The following FBXL18 variants were observed in gnomAD, a reference collection of about 807,000 sequenced individuals.
FBXL18 encodes the protein F-box/LRR-repeat protein 18.
A neutral mutation model predicts 46.0 loss-of-function variants in FBXL18; 36 were observed. The ratio of observed to expected loss-of-function variants is 0.78; its 90% confidence interval spans 0.60 to 1.03. The LOEUF (loss-of-function observed/expected upper bound fraction) is 1.03. Among genes scored for constraint, FBXL18 ranks in the 50% least tolerant of loss-of-function variants. FBXL18 has a pLI of 0.00. For missense variants in FBXL18, 977 were observed against 1,004.1 expected (o/e 0.97, Z 0.36); for synonymous variants, 557 against 465.3 (o/e 1.20, Z -2.54).
intron 4 of FBXL18, among the ~76,000 whole-genome samples, chr7:5,487,640 T>C (rs937287466): frequency 1.3e-5 from 2 of 152,232 alleles, no homozygotes; most frequent in African/African-American, 4.8e-5. Context: ...CTGATAGCAC[T>C]GACCTCACAG....
intron 4 of FBXL18, among the ~76,000 whole-genome samples, chr7:5,457,616 G>A (rs1311942300): frequency 1.3e-5 from 2 of 152,230 alleles, no homozygotes; most frequent in African/African-American, 4.8e-5. Context: ...GCAAGCTAGA[G>A]AATGACTCTG....
At chr7:5,462,005 CTA>C (rs1433539569) in intron 4 of FBXL18, among the ~76,000 whole-genome samples, 7 of 152,046 alleles carry the variant, frequency 4.6e-5, no homozygotes, top group Non-Finnish European at 1.0e-4. Context: ...AATCCCAGCA[CTA>C]TGAGGGACTG....
intron 3 of FBXL18, among the ~76,000 whole-genome samples, chr7:5,500,053 A>C (rs1396091349): frequency 6.6e-6 from 1 of 151,304 alleles, no homozygotes; most frequent in Non-Finnish European, 1.5e-5. Flanking sequence ...TGACAGAGCG[A>C]GACCCTGTCT....
downstream of FBXL18, among the ~76,000 whole-genome samples, chr7:5,471,425 C>A (rs528548776): frequency 6.6e-6 from 1 of 152,136 alleles, no homozygotes; most frequent in Non-Finnish European, 1.5e-5. Flanking sequence ...TACAGGCGCC[C>A]GCCACCACAC....
chr7:5,505,780 C>T (rs1052510432), intron 1 of FBXL18, 150 bp from the exon 2 acceptor site: 20 of 642,662 alleles, frequency 3.1e-5, no homozygotes, highest in South Asian at 1.9e-4. Context: ...AAAGAATTCA[C>T]GAAATCCTTC....
Position 5,501,611 on chromosome 7 carries a change from C to T in FBXL18, c.658G>A (p.Gly220Ser). Residue 220 changes from glycine (G) to serine (S), a missense_variant, in exon 3 of 5, where the codon GGC becomes AGC. Physicochemically the swap from Gly to Ser is moderately conservative, Grantham distance 56. Coordinates refer to ENST00000382368, the MANE Select transcript of FBXL18 (RefSeq NM_024963.6). ...TGGTAGTGCGGCACGTTGCTCTGGC[C>T]CACCATAAGCTGGCCCGAGAGGATG... ...GAILSGQLMV[G>S]QSNVPHYQNL... The T allele has an allele frequency of 2.5e-6, 4 of 1,613,774 alleles. No homozygotes were observed. The highest frequency in any genetic ancestry group is 3.4e-6 in the Non-Finnish European group (4 of 1,179,968).
At chr7:5,495,779 G>C (rs376657348) in intron 3 of FBXL18, 2 of 472,380 alleles carry the variant, frequency 4.2e-6, no homozygotes, top group Middle Eastern at 6.8e-4. Context: ...TGCAGCGTCC[G>C]GGCTCCCTTG....
intron 1 of FBXL18, among the ~76,000 whole-genome samples, chr7:5,508,063 C>G (rs1399921788): frequency 6.6e-6 from 1 of 151,888 alleles, no homozygotes; most frequent in South Asian, 2.1e-4. Context: ...AGTCAGTTCT[C>G]GAGACTAGCC....
In FBXL18 at chr7:5,479,248, G is replaced by A. The variant is rs1267575170; in HGVS notation, c.*2527C>T. 6.6e-6 allele frequency: 1 copy of A among 152,164 alleles called. No individual in the cohort carries two copies. The highest frequency in any genetic ancestry group is 1.5e-5 in the Non-Finnish European group (1 of 68,044). The allele number at this position is 152,164 out of a possible 1,614,324, so 9.4% of individuals were successfully genotyped here. On this transcript the variant is annotated 3_prime_UTR_variant, in exon 5 of 5. Transcript: ENST00000382368. The stretch of plus-strand genomic sequence containing the variant: ...TCTATGAGTATAAATTATGCTGCTG[G>A]TTAAAACCGCTTGCTCATGAGAACA...
chr7:5,490,007 C>T (rs1374259025), intron 4 of FBXL18: 2 of 1,303,328 alleles, frequency 1.5e-6, no homozygotes, highest in Non-Finnish European at 2.0e-6. Context: ...ACTCTATAAA[C>T]ACAAGTTGTT....
chr7:5,490,976 T>G (rs4559154), intron 4 of FBXL18, among the ~76,000 whole-genome samples: 46,202 of 152,028 alleles, frequency 0.3, 7,099 homozygotes, highest in Admixed American at 0.34. Flanking sequence ...ATAATAATAA[T>G]AAGAAGAAGA....
intron 3 of FBXL18, among the ~76,000 whole-genome samples, chr7:5,494,800 GA>G (rs1562695109): frequency 1.3e-5 from 2 of 152,232 alleles, no homozygotes; most frequent in African/African-American, 4.8e-5. Flanking sequence ...ACTAGGTGGC[GA>G]TGCGGCTCCG....
In FBXL18 at chr7:5,501,758, T is replaced by G; in HGVS notation, c.511A>C (p.Ser171Arg). The G allele has an allele frequency of 1.3e-6, 2 of 1,559,162 alleles. No individual in the cohort carries two copies. Among genetic ancestry groups the G allele is most frequent in the Non-Finnish European group, 1.7e-6 (2 of 1,151,124 alleles). ...GTCTGCTTGAGCTCCCGCACGCGGC[T>G]CAGGGTGGCCTTGCACTCGCTGCTC... ...QLSSECKATL[S>R]RVRELKQTLF... Residue 171 changes from serine (S) to arginine (R), a missense_variant, in exon 3 of 5, where the codon AGC becomes CGC. Physicochemically the swap from Ser to Arg is moderately radical, Grantham distance 110. Coordinates refer to ENST00000382368, the MANE Select transcript of FBXL18 (RefSeq NM_024963.6).
chr7:5,505,300 G>A lies in FBXL18; in HGVS notation c.237+112C>T, dbSNP rs1317095103. 10 of 1,000,160 alleles carry A rather than the reference G, an allele frequency of 1.0e-5. No individual in the cohort carries two copies. In the Admixed American group the frequency reaches 1.9e-4, roughly 19 times the overall value. The allele number at this position is 1,000,160 out of a possible 1,614,324, so 62.0% of individuals were successfully genotyped here. A position where few individuals can be genotyped will look rare whatever the true frequency, so the allele number is the denominator to read the frequency against. On this transcript the variant is annotated intron_variant, in intron 2 of 4. Coordinates refer to ENST00000382368, the MANE Select transcript of FBXL18 (RefSeq NM_024963.6). ...TGCAGACGGCGCCAGTCAGGACTTG[G>A]AGTTCCTGCCACCTTTATATCAGCA...
Position 5,491,295 on chromosome 7 carries a change from A to T in FBXL18, c.1936T>A (p.Cys646Ser). 3 of 1,613,028 alleles carry T rather than the reference A, an allele frequency of 1.9e-6. No individual in the cohort carries two copies. Among genetic ancestry groups the T allele is most frequent in the Non-Finnish European group, 2.5e-6 (3 of 1,179,860 alleles). ...FMARCLQVVMCHLFTGESLAT... is the reference protein window; with the variant it reads ...FMARCLQVVMSHLFTGESLAT... ...AGGGACTCCCCGGTGAACAGGTGGCACATGACAACCTGCAGGCAGCGAGCC... is the reference window on the plus strand; with the variant it reads ...AGGGACTCCCCGGTGAACAGGTGGCTCATGACAACCTGCAGGCAGCGAGCC... Residue 646 changes from cysteine (C) to serine (S), a missense_variant, in exon 4 of 5, where the codon TGC becomes AGC. By Grantham distance (112) the Cys-to-Ser change is moderately radical (BLOSUM62 -1). Coordinates refer to ENST00000382368, the MANE Select transcript of FBXL18 (RefSeq NM_024963.6).
In FBXL18 at chr7:5,501,272, G is replaced by A; in HGVS notation, c.997C>T (p.Gln333Ter). 2 of 1,614,140 alleles carry A rather than the reference G, an allele frequency of 1.2e-6. No individual in the cohort carries two copies. Among genetic ancestry groups the A allele is most frequent in the Non-Finnish European group, 1.7e-6 (2 of 1,180,020 alleles). The change falls in exon 3 of 5, where the codon CAG becomes TAG. Residue 333 changes from glutamine to a stop codon, truncating the protein, a stop_gained. Transcript: ENST00000382368. LOFTEE classifies it high-confidence loss of function. ...TCCTTCCCGCCGTTGATGACCTGCT[G>A]GATCAGATGGCCGCCTGACAGGGTA... ...RCTLSGGHLIQQVINGGKDLR... is the reference protein window; with the variant it reads ...RCTLSGGHLI
chr7:5,513,445 C>T (rs1784592557), intron 1 of FBXL18, among the ~76,000 whole-genome samples: 1 of 151,950 alleles, frequency 6.6e-6, no homozygotes, highest in South Asian at 2.1e-4. Flanking sequence ...AAGGGGGAGA[C>T]AGCTTGTGCC....
At chr7:5,467,023 C>G (rs547414590) in intron 4 of FBXL18, among the ~76,000 whole-genome samples, 1 of 152,176 alleles carries the variant, frequency 6.6e-6, no homozygotes, top group East Asian at 1.9e-4. Flanking sequence ...TCAAGACCAG[C>G]CTGGCCATCA....
intron 1 of FBXL18, among the ~76,000 whole-genome samples, chr7:5,512,244 CAAAAAA>C (rs544569914): frequency 0.05 from 3,044 of 60,794 alleles, 35 homozygotes; most frequent in Admixed American, 0.072. Flanking sequence ...GACTCCGTCT[CAAAAAA>C]AAAAAAGAAA....
Sources: allele counts gnomAD v4.1 joint callset (sites outside exome capture counted in the v4.1 genomes callset), GRCh38; gene constraint gnomAD v4.1.1; transcripts MANE v1.5; gene names NCBI Gene and HGNC (gene_info 2026-07-23, HGNC 2026-07-21).